Variants in NEXN observed in about 807,000 individuals in gnomAD.
NEXN encodes the protein nexilin F-actin binding protein, also known as nexilin.
Under a neutral mutation model 92.6 loss-of-function variants are expected in NEXN, and 65 were observed. The ratio of observed to expected loss-of-function variants is 0.70; its 90% CI spans 0.57 to 0.86. The LOEUF (loss-of-function observed/expected upper bound fraction) is 0.86, where lower values mean the gene tolerates loss of function less well. Ranked by LOEUF, NEXN falls within the 40% of genes least tolerant of loss-of-function variation. The pLI is 0.00. For synonymous variants in NEXN, 254 were observed against 242.5 expected (o/e 1.05, Z -0.44); for missense variants, 778 against 771.1 (o/e 1.01, Z -0.11).
intron 5 of NEXN, among the ~76,000 whole-genome samples, chr1:77,921,939 G>GT (rs1199431077): frequency 1.3e-5 from 2 of 151,746 alleles, no homozygotes; most frequent in Non-Finnish European, 2.9e-5. Flanking sequence ...TACCAAAAAA[G>GT]TCTTTTTTTG....
intron 2 of NEXN, among the ~76,000 whole-genome samples, chr1:77,916,541 A>G (rs1026667649): frequency 6.6e-6 from 1 of 152,100 alleles, no homozygotes; most frequent in Non-Finnish European, 1.5e-5. Context: ...ATATATTTTA[A>G]TTTTTAGCTT....
intron 11 of NEXN, among the ~76,000 whole-genome samples, chr1:77,937,910 G>C (rs552612051): frequency 1.6e-3 from 237 of 152,266 alleles, no homozygotes; most frequent in Middle Eastern, 3.4e-3. Flanking sequence ...AGGGAAATAA[G>C]AGTATGTGTT....
intron 11 of NEXN, chr1:77,941,647 G>A (rs974757795): frequency 4.0e-6 from 1 of 250,134 alleles, no homozygotes; most frequent in African/African-American, 2.3e-5. Context: ...TTATTATGCA[G>A]TAGGGAATGG....
chr1:77,894,204 G>T (rs891340740), intron 1 of NEXN, among the ~76,000 whole-genome samples: 4 of 151,948 alleles, frequency 2.6e-5, no homozygotes, highest in Non-Finnish European at 4.4e-5. Context: ...TGATCCACCT[G>T]CCTCGGCCTC....
chr1:77,896,696 T>G (rs1647274072), intron 1 of NEXN, among the ~76,000 whole-genome samples: 1 of 151,520 alleles, frequency 6.6e-6, no homozygotes, highest in Admixed American at 6.6e-5. Flanking sequence ...GAGGCAGAGG[T>G]TGCAGTGAGC....
chr1:77,895,058 TTTTTG>T (rs1647198634), intron 1 of NEXN, among the ~76,000 whole-genome samples: 1 of 128,692 alleles, frequency 7.8e-6, no homozygotes, highest in African/African-American at 3.2e-5. Context: ...TTTTTTTTTT[TTTTTG>T]AGATGGAGTC....
chr1:77,917,781 C>CAT (rs1557974110), intron 3 of NEXN, 24 bp downstream of exon 3: 1 of 1,574,980 alleles, frequency 6.3e-7, no homozygotes. Flanking sequence ...ACTTTATTCT[C>CAT]GTGAAAATAT....
intron 5 of NEXN, among the ~76,000 whole-genome samples, chr1:77,920,862 A>C (rs1218054785): frequency 6.6e-6 from 1 of 152,106 alleles, no homozygotes; most frequent in East Asian, 1.9e-4. Flanking sequence ...AAGAAGCAAA[A>C]GGAGTTTCAT....
intron 1 of NEXN, among the ~76,000 whole-genome samples, chr1:77,891,256 A>T (rs779920526): frequency 6.6e-6 from 1 of 152,236 alleles, no homozygotes; most frequent in Non-Finnish European, 1.5e-5. Context: ...GTTAAAAATT[A>T]TGGAGAATGG....
chr1:77,896,102 C>A (rs768123585), intron 1 of NEXN, among the ~76,000 whole-genome samples: 9 of 151,406 alleles, frequency 5.9e-5, no homozygotes, highest in Non-Finnish European at 8.8e-5. Flanking sequence ...ACCCAGGAGG[C>A]AAAGGTTGCA....
chr1:77,912,534 C>A (rs571467171), intron 1 of NEXN, among the ~76,000 whole-genome samples: 1 of 152,266 alleles, frequency 6.6e-6, no homozygotes, highest in East Asian at 1.9e-4. Flanking sequence ...ACTAACACTA[C>A]TCAACTTTAA....
chr1:77,912,777 A>G (rs1320723499), intron 1 of NEXN, among the ~76,000 whole-genome samples: 1 of 152,224 alleles, frequency 6.6e-6, no homozygotes, highest in Non-Finnish European at 1.5e-5. Context: ...TAGACCTTAC[A>G]TTCTTCACAA....
rs1651421495 is a variant in NEXN, at chr1:77,942,361, T to C, written c.1660-100T>C. ...ACTTTGTAGTAGGCACACTTGTATG[T>C]TCTTTACTTAAAAAAAAAAATTTCA... is the stretch of plus-strand genomic sequence containing the variant. On this transcript the variant is annotated intron_variant, in intron 12 of 12. Coordinates refer to ENST00000334785, the MANE Select transcript of NEXN (RefSeq NM_144573.4). 17 of 1,421,188 alleles carry C rather than the reference T, an allele frequency of 1.2e-5. No individual in the cohort carries two copies. In the South Asian group the frequency reaches 1.7e-4, roughly 15 times the overall value. The allele number at this position is 1,421,188 out of a possible 1,614,324, so 88.0% of individuals were successfully genotyped here.
intron 1 of NEXN, among the ~76,000 whole-genome samples, chr1:77,906,402 A>G (rs1346199442): frequency 6.6e-5 from 10 of 152,178 alleles, no homozygotes; most frequent in Admixed American, 2.6e-4. Context: ...TGCTTCTTCC[A>G]CCGTCAATGT....
At chr1:77,933,725 T>G (rs961255117) in intron 10 of NEXN, among the ~76,000 whole-genome samples, 2 of 152,232 alleles carry the variant, frequency 1.3e-5, no homozygotes, top group African/African-American at 4.8e-5. Flanking sequence ...TTACTATTTA[T>G]TTATATTTGT....
chr1:77,907,224 C>G (rs542111332), intron 1 of NEXN, among the ~76,000 whole-genome samples: 1 of 152,324 alleles, frequency 6.6e-6, no homozygotes, highest in South Asian at 2.1e-4. Context: ...GAGTCAAATT[C>G]ACACCTTTAT....
At position 77,917,673 on chromosome 1, in the gene NEXN, A is replaced by G. The variant is rs1210596763; in HGVS notation, c.135A>G (p.Arg45=). Reference sequence around the variant, plus strand: ...CCATGCAGAGAGCCAGGGAAGAAAGAAATCAAAGGAGATCTAGAGACGAAA... The same window carrying G: ...CCATGCAGAGAGCCAGGGAAGAAAGGAATCAAAGGAGATCTAGAGACGAAA... ...FEAMQRAREE[R]NQRRSRDEKQ... Residue 45 remains arginine, a synonymous_variant, in exon 3 of 13, where the codon AGA becomes AGG. Transcript: ENST00000334785. 6.2e-7 allele frequency: 1 copy of G among 1,612,784 alleles called. No individual in the cohort carries two copies. Among genetic ancestry groups the G allele is most frequent in the African/African-American group, 1.3e-5 (1 of 74,914 alleles).
chr1:77,938,575 G>C (rs1650982591), intron 11 of NEXN, among the ~76,000 whole-genome samples: 3 of 122,184 alleles, frequency 2.5e-5, no homozygotes, highest in Non-Finnish European at 5.0e-5. Flanking sequence ...CCTGGCGACA[G>C]AGCAAGACTG....
In NEXN at chr1:77,942,603, T is replaced by C; in HGVS notation, c.1802T>C (p.Phe601Ser). The C allele has an allele frequency of 6.2e-7, 1 of 1,613,810 alleles. No individual in the cohort carries two copies. The highest frequency in any genetic ancestry group is 8.5e-7 in the Non-Finnish European group (1 of 1,179,806). The change falls in exon 13 of 13, where the codon TTT becomes TCT. Residue 601 changes from phenylalanine to serine, a missense_variant. This residue lies in a region of NEXN where 532 missense variants were observed against 476.7 expected (regional missense o/e 1.12). Transcript: ENST00000334785. Reference protein sequence around the residue: ...TSVVDSEPVRFTVKVTGEPKP... With the variant: ...TSVVDSEPVRSTVKVTGEPKP... ...GTTGTAGACAGTGAGCCAGTCAGAT[T>C]TACGGTTAAAGTAACAGGAGAACCC...
Sources: gnomAD v4.1 joint callset for allele counts (sites outside exome capture counted in the v4.1 genomes callset) on GRCh38, gnomAD v4.1.1 for gene constraint, gnomAD v4.1.1 regional missense constraint, MANE v1.5 for transcripts, NCBI Gene and HGNC (gene_info 2026-07-23, HGNC 2026-07-21) for gene names.